Variants in CERS6 observed in about 807,000 individuals in gnomAD.
CERS6 encodes the protein ceramide synthase 6.
Under a neutral mutation model 56.8 loss-of-function variants are expected in CERS6, and 26 were observed. The ratio of observed to expected loss-of-function variants is 0.46; its 90% CI spans 0.34 to 0.63. CERS6 has a LOEUF of 0.63. Ranked by LOEUF, CERS6 falls within the 30% of genes least tolerant of loss-of-function variation. The pLI is 0.01. For missense variants in CERS6, 415 were observed against 467.5 expected, an observed-to-expected ratio of 0.89 and a Z score of 1.04; for synonymous variants, 164 against 173.3, an observed-to-expected ratio of 0.95 and a Z score of 0.42.
chr2:168,495,779 A>AT (rs1272230119), intron 1 of CERS6, among the ~76,000 whole-genome samples: 2 of 152,104 alleles, frequency 1.3e-5, no homozygotes, highest in African/African-American at 2.4e-5. Flanking sequence ...TATCTGTCTC[A>AT]TTCTCCTTTC....
chr2:168,769,587 C>T lies in CERS6; in HGVS notation c.1080C>T (p.His360=), dbSNP rs760129955. The T allele has an allele frequency of 1.2e-5, 19 of 1,612,604 alleles. No individual in the cohort carries two copies. The highest frequency in any genetic ancestry group is 6.7e-5 in the Admixed American group (4 of 59,706). The change falls in exon 10 of 10, where the codon CAC becomes CAT. Residue 360 remains histidine (H), a synonymous_variant. Coordinates refer to ENST00000305747, the MANE Select transcript of CERS6 (RefSeq NM_203463.3). ...CAGAACCTCCGGGAAAGAATCCCCA[C>T]ACTGCGACAACCACCAATGGGACCA... ...EDSEPPGKNP[H]TATTTNGTSG... is the part of the protein sequence containing the mutation.
chr2:168,517,900 C>G (rs1476986023), intron 1 of CERS6, among the ~76,000 whole-genome samples: 1 of 152,136 alleles, frequency 6.6e-6, no homozygotes. Flanking sequence ...ACAGATGGCA[C>G]ATTCCTTTTA....
At chr2:168,460,741 AG>A (rs1385188109) in intron 1 of CERS6, among the ~76,000 whole-genome samples, 1 of 152,206 alleles carries the variant, frequency 6.6e-6, no homozygotes, top group Non-Finnish European at 1.5e-5. Flanking sequence ...AAGAATGAGA[AG>A]CTAATTCCTG....
At position 168,484,167 on chromosome 2, in the gene CERS6, G is replaced by GTTTTTTTTTTTTTTTTTT. The variant is rs34492119; in HGVS notation, c.170+27563_170+27580dup. Among the ~76,000 whole-genome samples, 5 of 51,610 alleles carry GTTTTTTTTTTTTTTTTTT rather than the reference G, an allele frequency of 9.7e-5. 1 individual carries two copies. Among genetic ancestry groups the GTTTTTTTTTTTTTTTTTT allele is most frequent in the East Asian group, 5.2e-4 (1 of 1,922 alleles). The allele number at this position is 51,610 out of a possible 152,430, so 33.9% of individuals were successfully genotyped here. ...TTTTCTTTTTCTTTTTCTTTTTTCT[G>GTTTTTTTTTTTTTTTTTT]TTTTTTTTTTTTTTTTTTTTTTTTT... On this transcript the variant is annotated intron_variant, in intron 1 of 9. Transcript: ENST00000305747.
At chr2:168,554,851 C>G (rs1290014720) in intron 2 of CERS6, among the ~76,000 whole-genome samples, 1 of 152,024 alleles carries the variant, frequency 6.6e-6, no homozygotes, top group Non-Finnish European at 1.5e-5. Flanking sequence ...GAAGAATTGA[C>G]TTTTTATTGT....
chr2:168,688,578 G>A (rs969647460), intron 4 of CERS6, among the ~76,000 whole-genome samples: 8 of 152,070 alleles, frequency 5.3e-5, no homozygotes, highest in African/African-American at 1.9e-4. Context: ...AGTGTTTGGG[G>A]GGTATAACTT....
At chr2:168,510,126 A>T (rs1048510686) in intron 1 of CERS6, among the ~76,000 whole-genome samples, 1 of 152,064 alleles carries the variant, frequency 6.6e-6, no homozygotes. Flanking sequence ...TCTGATACAT[A>T]GGATTAGATT....
intron 4 of CERS6, among the ~76,000 whole-genome samples, chr2:168,685,537 G>C (rs1374533160): frequency 6.6e-6 from 1 of 152,012 alleles, no homozygotes; most frequent in African/African-American, 2.4e-5. Flanking sequence ...TCTGACTTCT[G>C]TTGACAATGA....
At chr2:168,714,809 C>A (rs575286600) in intron 6 of CERS6, among the ~76,000 whole-genome samples, 192 bp from the exon 7 acceptor site, 39 of 152,254 alleles carry the variant, frequency 2.6e-4, no homozygotes, top group African/African-American at 9.1e-4. Context: ...TGGGCTTCCA[C>A]TGATCTCCTA....
At chr2:168,744,864 A>C (rs935097451) in intron 8 of CERS6, among the ~76,000 whole-genome samples, 6 of 152,238 alleles carry the variant, frequency 3.9e-5, no homozygotes, top group African/African-American at 1.4e-4. Flanking sequence ...AAGCTTACAG[A>C]AGTGGTTCCC....
intron 1 of CERS6, among the ~76,000 whole-genome samples, chr2:168,535,669 G>GCTTTTTTTTT (rs369525474): frequency 8.7e-6 from 1 of 115,598 alleles, no homozygotes; most frequent in Non-Finnish European, 1.7e-5. Flanking sequence ...TTTGATACCA[G>GCTTTTTTTTT]TTTTTTTTTT....
At chr2:168,761,495 A>G (rs900115965) in intron 8 of CERS6, among the ~76,000 whole-genome samples, 2 of 152,220 alleles carry the variant, frequency 1.3e-5, no homozygotes, top group African/African-American at 2.4e-5. Context: ...ATTTACACAG[A>G]ACCTCTTTCT....
At chr2:168,491,144 C>T (rs1694364965) in intron 1 of CERS6, among the ~76,000 whole-genome samples, 1 of 152,160 alleles carries the variant, frequency 6.6e-6, no homozygotes, top group Admixed American at 6.5e-5. Flanking sequence ...GACCTGGCTC[C>T]AGCAAACTGC....
intron 2 of CERS6, among the ~76,000 whole-genome samples, chr2:168,550,736 G>A (rs893796234): frequency 5.9e-5 from 9 of 152,194 alleles, no homozygotes; most frequent in Non-Finnish European, 1.0e-4. Context: ...ACCTTCAAGT[G>A]CATTGCAACC....
At chr2:168,564,196 A>G (rs1559000071) in intron 3 of CERS6, among the ~76,000 whole-genome samples, 1 of 152,188 alleles carries the variant, frequency 6.6e-6, no homozygotes, top group South Asian at 2.1e-4. Context: ...AGCCATGTGT[A>G]CAGTGCAGAT....
intron 1 of CERS6, among the ~76,000 whole-genome samples, chr2:168,520,625 T>TTTTTTTTTTTTTTTTTTTTTA (rs1694961257): frequency 8.3e-6 from 1 of 120,956 alleles, no homozygotes. Flanking sequence ...TTTTTTTTTT[T>TTTTTTTTTTTTTTTTTTTTTA]TTGAGAAGCA....
chr2:168,715,285 G>A (rs1308031269), intron 7 of CERS6, among the ~76,000 whole-genome samples, 156 bp downstream of exon 7: 2 of 152,022 alleles, frequency 1.3e-5, no homozygotes, highest in Admixed American at 1.3e-4. Context: ...TTAAGCTGGT[G>A]AAAATGAGAT....
At chr2:168,526,715 T>A (rs1488020986) in intron 1 of CERS6, among the ~76,000 whole-genome samples, 1 of 152,230 alleles carries the variant, frequency 6.6e-6, no homozygotes, top group East Asian at 1.9e-4. Flanking sequence ...GGCTTCTTAA[T>A]ACAAACAGTA....
intron 1 of CERS6, among the ~76,000 whole-genome samples, chr2:168,475,342 A>G (rs1261262255): frequency 6.6e-5 from 10 of 152,168 alleles, no homozygotes; most frequent in Admixed American, 6.5e-4. Context: ...CGCATCACCA[A>G]TGAGTAGTTG....
Sources: allele counts gnomAD v4.1 joint callset (sites outside exome capture counted in the v4.1 genomes callset), GRCh38; gene constraint gnomAD v4.1.1; transcripts MANE v1.5; gene names NCBI Gene and HGNC (gene_info 2026-07-23, HGNC 2026-07-21).